Variants in ANO4 observed in about 807,000 individuals in gnomAD.
The protein encoded by ANO4 is anoctamin 4, also known as anoctamin-4.
A neutral mutation model predicts 141.9 loss-of-function variants in ANO4; 69 were observed. That is an observed-to-expected ratio of 0.49 (90% confidence interval 0.40 to 0.59). The LOEUF is 0.59. Among genes scored for constraint, ANO4 ranks in the 20% least tolerant of loss-of-function variants. ANO4 has a pLI of 0.00. For synonymous variants in ANO4, 350 were observed against 394.3 expected, an observed-to-expected ratio of 0.89 and a Z score of 1.33; for missense variants, 894 against 1,162.2, an observed-to-expected ratio of 0.77 and a Z score of 3.36.
At chr12:101,104,613 GTGTATGTATGTGTGTATATA>G (rs1228994270) in intron 22 of ANO4, among the ~76,000 whole-genome samples, 12 of 88,086 alleles carry the variant, frequency 1.4e-4, no homozygotes, top group South Asian at 1.3e-3. Flanking sequence ...GTGTGTGTGT[GTGTATGTATGTGTGTATATA>G]TATATATATA....
chr12:100,902,059 A>G (rs146514276), intron 2 of ANO4, among the ~76,000 whole-genome samples: 67 of 152,276 alleles, frequency 4.4e-4, no homozygotes, highest in African/African-American at 1.6e-3. Flanking sequence ...GGTTGAGGCT[A>G]TGTGCACAGT....
intron 3 of ANO4, among the ~76,000 whole-genome samples, chr12:100,753,712 A>C (rs765644204): frequency 6.6e-6 from 1 of 152,166 alleles, no homozygotes; most frequent in Non-Finnish European, 1.5e-5. Context: ...GCATTATACT[A>C]TAGTAGTTTT....
At chr12:100,877,114 T>TG (rs2039349968) in intron 1 of ANO4, among the ~76,000 whole-genome samples, 1 of 152,042 alleles carries the variant, frequency 6.6e-6, no homozygotes. Context: ...TGCCAGGGGC[T>TG]GAGGGTAGGG....
At chr12:100,986,962 T>C (rs2044734263) in intron 7 of ANO4, among the ~76,000 whole-genome samples, 1 of 152,164 alleles carries the variant, frequency 6.6e-6, no homozygotes, top group South Asian at 2.1e-4. Flanking sequence ...ATGAGAACCA[T>C]GGAGCCTGCT....
intron 1 of ANO4, among the ~76,000 whole-genome samples, chr12:100,864,031 C>T (rs1320585981): frequency 6.6e-6 from 1 of 152,140 alleles, no homozygotes; most frequent in Non-Finnish European, 1.5e-5. Context: ...ATCTGTTTTC[C>T]TCTGGGTTGG....
rs1424384301 is a variant in ANO4 at position 100,725,047 on chromosome 12, T to G, written c.22+7500T>G. The stretch of plus-strand genomic sequence containing the variant: ...TATATTTTGTAAATTAAATGGTATT[T>G]CTAGTGCGCCAGTGTAGGTAGTTAT... On this transcript the variant is annotated intron_variant, in intron 1 of 29. Coordinates refer to the ANO4 transcript ENST00000644049. 2.0e-5 allele frequency among the ~76,000 whole-genome samples: 3 copies of G among 152,214 alleles called. No homozygotes were observed. In the East Asian group the frequency reaches 5.8e-4, roughly 29 times the overall value.
At chr12:100,938,938 T>A (rs763692733) in intron 3 of ANO4, among the ~76,000 whole-genome samples, 1 of 152,276 alleles carries the variant, frequency 6.6e-6, no homozygotes, top group Middle Eastern at 3.4e-3. Context: ...AAATTAAATT[T>A]AATTTAAAAG....
chr12:100,907,118 A>G (rs904866415), intron 2 of ANO4, among the ~76,000 whole-genome samples: 1 of 152,186 alleles, frequency 6.6e-6, no homozygotes, highest in Non-Finnish European at 1.5e-5. Flanking sequence ...TGTTATGGCT[A>G]TCCCGAAGAA....
chr12:101,015,778 C>G (rs1182024765), intron 8 of ANO4, among the ~76,000 whole-genome samples: 2 of 152,034 alleles, frequency 1.3e-5, no homozygotes, highest in African/African-American at 4.8e-5. Context: ...AATGTGAAGC[C>G]CTGGTCAGAG....
chr12:101,022,290 T>A (rs896619905), intron 9 of ANO4, among the ~76,000 whole-genome samples: 1 of 152,196 alleles, frequency 6.6e-6, no homozygotes, highest in African/African-American at 2.4e-5. Flanking sequence ...ATTCCTTCAA[T>A]AAAGTCCTCT....
Position 100,922,302 on chromosome 12 carries a change from T to C in ANO4, c.132T>C (p.Phe44=), listed in dbSNP as rs1448040830. ...ACGGGCCAAAGAGTGATGTGGACTT[T>C]TCAGAGATTCTTAATGCAATACAAG... is the stretch of plus-strand genomic sequence containing the variant. ...LPDGPKSDVD[F]SEILNAIQEM... Residue 44 remains phenylalanine, a synonymous_variant, in exon 3 of 28, where the codon TTT becomes TTC. Coordinates refer to ENST00000392977, the MANE Select transcript of ANO4 (RefSeq NM_001286615.2). 2 of 1,531,616 alleles carry C rather than the reference T, an allele frequency of 1.3e-6. No individual in the cohort carries two copies. Among genetic ancestry groups the C allele is most frequent in the Non-Finnish European group, 1.7e-6 (2 of 1,145,596 alleles). 94.9% of individuals were successfully genotyped at this position (1,531,616 alleles called of 1,614,324 possible).
chr12:100,961,656 A>G (rs548887615), intron 5 of ANO4, among the ~76,000 whole-genome samples: 19 of 152,388 alleles, frequency 1.2e-4, no homozygotes, highest in African/African-American at 3.8e-4. Flanking sequence ...GATCTAAGAT[A>G]TCATTTAAAC....
intron 1 of ANO4, among the ~76,000 whole-genome samples, chr12:100,841,610 G>A (rs1452868472): frequency 2.0e-5 from 3 of 152,152 alleles, no homozygotes; most frequent in Non-Finnish European, 4.4e-5. Context: ...TAAATAAAGT[G>A]AGGGAGCATA....
intron 7 of ANO4, among the ~76,000 whole-genome samples, chr12:100,981,560 C>G (rs977085404): frequency 6.6e-6 from 1 of 152,052 alleles, no homozygotes; most frequent in African/African-American, 2.4e-5. Flanking sequence ...GGCATATCAT[C>G]GCTGATAATG....
chr12:100,905,207 A>T (rs539737401), intron 2 of ANO4, among the ~76,000 whole-genome samples: 50 of 152,298 alleles, frequency 3.3e-4, no homozygotes, highest in Admixed American at 9.2e-4. Flanking sequence ...TTGGTCTGTG[A>T]AAGAGATATA....
intron 1 of ANO4, among the ~76,000 whole-genome samples, chr12:100,894,984 AAAAG>A (rs2040280546): frequency 7.0e-6 from 1 of 142,914 alleles, no homozygotes; most frequent in African/African-American, 2.6e-5. Flanking sequence ...AAAAAAAAGA[AAAAG>A]AAAAGCTCCA....
intron 14 of ANO4, among the ~76,000 whole-genome samples, chr12:101,049,122 G>A (rs114484972): frequency 0.015 from 2,342 of 152,340 alleles, 56 homozygotes; most frequent in African/African-American, 0.053. Context: ...TCATGGAAGA[G>A]TAAGTGAACA....
At chr12:101,063,986 T>C (rs2048468580) in intron 14 of ANO4, among the ~76,000 whole-genome samples, 1 of 151,866 alleles carries the variant, frequency 6.6e-6, no homozygotes, top group Non-Finnish European at 1.5e-5. Context: ...TTGGTTTTAA[T>C]GATGTTTTTC....
At position 101,120,566 on chromosome 12, in the gene ANO4, T is replaced by TA; in HGVS notation, c.2618dup (p.Tyr873Ter). 1.2e-6 allele frequency: 2 copies of TA among 1,614,136 alleles called. No homozygotes were observed. Among genetic ancestry groups the TA allele is most frequent in the Non-Finnish European group, 1.7e-6 (2 of 1,180,002 alleles). The change falls in exon 26 of 28, where the codon TAC becomes TAAC. Residue 873 changes from tyrosine to a stop codon, truncating the protein, a stop_gained and frameshift_variant. Transcript: ENST00000392977. LOFTEE classifies it high-confidence loss of function. ...DPPHSLVPYGYTLQFWHVLAA... is the reference protein window; with the variant it reads ...DPPHSLVPYG ...GCCTCATTCACTGGTGCCCTATGGC[T>TA]ACACACTGCAGTTTTGGCATGTCCT...
Sources: gnomAD v4.1 joint callset for allele counts (sites outside exome capture counted in the v4.1 genomes callset) on GRCh38, gnomAD v4.1.1 for gene constraint, MANE v1.5 for transcripts, NCBI Gene and HGNC (gene_info 2026-07-23, HGNC 2026-07-21) for gene names.